SYT2: variants seen among roughly 807,000 people sequenced by gnomAD.
SYT2 encodes synaptotagmin 2.
Under a neutral mutation model 39.9 loss-of-function variants are expected in SYT2, and 15 were observed. The ratio of observed to expected loss-of-function variants is 0.38; its 90% confidence interval spans 0.25 to 0.58. The LOEUF is 0.58. Among genes scored for constraint, SYT2 ranks in the 20% least tolerant of loss-of-function variants. The pLI, the probability that SYT2 is intolerant of heterozygous loss-of-function variation, is 0.70. For synonymous variants in SYT2, 181 were observed against 204.5 expected (o/e 0.89, Z 0.98); for missense variants, 389 against 530.3 (o/e 0.73, Z 2.62).
chr1:202,650,594 C>T (rs190835865), intron 1 of SYT2, among the ~76,000 whole-genome samples: 3 of 152,242 alleles, frequency 2.0e-5, no homozygotes, highest in Non-Finnish European at 2.9e-5. Flanking sequence ...CACCACCACA[C>T]CTGGCTATGA....
chr1:202,681,363 C>A lies in SYT2; in HGVS notation c.-18+28895G>T, dbSNP rs185954219. Reference sequence around the variant, plus strand: ...AATTAAAAGTGAGAGCCAGCAGCTGCGGAGAATCCTCCACCGCCACTGGTG... The same window carrying A: ...AATTAAAAGTGAGAGCCAGCAGCTGAGGAGAATCCTCCACCGCCACTGGTG... On this transcript the variant is annotated intron_variant, in intron 1 of 8. Coordinates refer to ENST00000367268, the MANE Select transcript of SYT2 (RefSeq NM_177402.5). Among the ~76,000 whole-genome samples, 464 of 152,300 alleles carry A rather than the reference C, an allele frequency of 3.0e-3. 1 individual carries two copies. The highest frequency in any genetic ancestry group is 0.011 in the African/African-American group (448 of 41,558).
At chr1:202,687,306 C>A (rs1335029584) in intron 1 of SYT2, among the ~76,000 whole-genome samples, 1 of 152,188 alleles carries the variant, frequency 6.6e-6, no homozygotes, top group Non-Finnish European at 1.5e-5. Context: ...GGTAAGCTGG[C>A]CCCACCTGGC....
intron 1 of SYT2, among the ~76,000 whole-genome samples, chr1:202,613,234 C>T (rs529391265): frequency 2.0e-5 from 3 of 152,164 alleles, no homozygotes; most frequent in African/African-American, 7.2e-5. Context: ...GCATGTGCCA[C>T]CATGCCCGGC....
chr1:202,633,434 C>A (rs1355732252), intron 1 of SYT2, among the ~76,000 whole-genome samples: 1 of 151,990 alleles, frequency 6.6e-6, no homozygotes, highest in Non-Finnish European at 1.5e-5. Flanking sequence ...GGTCTCCAGC[C>A]CACACCAAGG....
rs1246561195 is a variant in SYT2 at position 202,657,028 on chromosome 1, T to TC, written c.-17-51240dup. Among the ~76,000 whole-genome samples the TC allele has an allele frequency of 4.6e-5, 7 of 152,346 alleles. No individual in the cohort carries two copies. The East Asian group carries it at 1.2e-3, about 25-fold the overall frequency. ...TCTTTCCACTCTTGTTCCAGTGTTT[T>TC]CCATTGCCTCTGCCCTGCTGGCCAA... On this transcript the variant is annotated intron_variant, in intron 1 of 8. Transcript: ENST00000367268.
chr1:202,625,878 A>G (rs182935552), intron 1 of SYT2, among the ~76,000 whole-genome samples: 85 of 152,310 alleles, frequency 5.6e-4, no homozygotes, highest in African/African-American at 2.0e-3. Context: ...TCTCAGGCCC[A>G]GCTGAAATGG....
intron 1 of SYT2, among the ~76,000 whole-genome samples, chr1:202,616,799 G>A (rs2149080169): frequency 6.6e-6 from 1 of 152,272 alleles, no homozygotes; most frequent in South Asian, 2.1e-4. Context: ...CAGCCATGGT[G>A]TCTCCCTGCG....
intron 1 of SYT2, among the ~76,000 whole-genome samples, chr1:202,666,998 C>T (rs1692491858): frequency 6.6e-6 from 1 of 152,006 alleles, no homozygotes; most frequent in African/African-American, 2.4e-5. Context: ...ACAAAACGTA[C>T]AAAACAAACA....
chr1:202,648,136 A>G (rs1423829148), intron 1 of SYT2, among the ~76,000 whole-genome samples: 1 of 152,250 alleles, frequency 6.6e-6, no homozygotes, highest in Non-Finnish European at 1.5e-5. Context: ...TAAAAAACTT[A>G]GAACGTCATC....
At chr1:202,648,523 C>G (rs1692133363) in intron 1 of SYT2, among the ~76,000 whole-genome samples, 1 of 152,156 alleles carries the variant, frequency 6.6e-6, no homozygotes, top group South Asian at 2.1e-4. Context: ...AAAATACATA[C>G]TGGTTATTTA....
chr1:202,677,289 G>T (rs1653400386), intron 1 of SYT2, among the ~76,000 whole-genome samples: 1 of 152,124 alleles, frequency 6.6e-6, no homozygotes, highest in Non-Finnish European at 1.5e-5. Flanking sequence ...TGAGAGAGAG[G>T]GTCTGTGTAC....
Position 202,605,730 on chromosome 1 carries a change from G to C in SYT2, c.43C>G (p.Pro15Ala). 3.1e-6 allele frequency: 5 copies of C among 1,614,096 alleles called. No homozygotes were observed. Among genetic ancestry groups the C allele is most frequent in the Non-Finnish European group, 2.5e-6 (3 of 1,179,974 alleles). ...GGCATCGTGGCGGTGGTGGTGGCAG[G>C]AGCCACAATAGGCTCCTGGTTCCTC... ...FKRNQEPIVA[P>A]ATTTATMPIG... Residue 15 changes from proline to alanine, a missense_variant, in exon 2 of 9, where the codon CCT (proline) becomes GCT (alanine). Coordinates refer to ENST00000367268, the MANE Select transcript of SYT2 (RefSeq NM_177402.5).
chr1:202,668,701 T>C (rs1294601981), intron 1 of SYT2, among the ~76,000 whole-genome samples: 1 of 152,208 alleles, frequency 6.6e-6, no homozygotes, highest in Non-Finnish European at 1.5e-5. Flanking sequence ...TTTTCCAGAA[T>C]AAAAGCAGGT....
intron 1 of SYT2, among the ~76,000 whole-genome samples, chr1:202,664,378 T>G (rs1692444745): frequency 6.6e-6 from 1 of 152,192 alleles, no homozygotes; most frequent in South Asian, 2.1e-4. Flanking sequence ...TCCAATCAAC[T>G]TCATTGAATT....
In SYT2 at chr1:202,662,801, TA is replaced by T. The variant is rs777072720; in HGVS notation, c.-18+47456del. On this transcript the variant is annotated intron_variant, in intron 1 of 8. Coordinates refer to ENST00000367268, the MANE Select transcript of SYT2 (RefSeq NM_177402.5). ...CTCTGGGCCTCAGGATCATCACCTGTAAAAGAGGGTTACTAATATCCATCTA... is the reference window on the plus strand; with the variant it reads ...CTCTGGGCCTCAGGATCATCACCTGTAAAGAGGGTTACTAATATCCATCTA... Among the ~76,000 whole-genome samples the T allele has an allele frequency of 1.2e-4, 18 of 152,294 alleles. 1 individual carries two copies. Among genetic ancestry groups the T allele is most frequent in the Admixed American group, 7.8e-4 (12 of 15,306 alleles).
At chr1:202,604,354 G>T in intron 3 of SYT2, 101 bp downstream of exon 3, 1 of 1,225,008 alleles carries the variant, frequency 8.2e-7, no homozygotes, top group Non-Finnish European at 1.2e-6. Flanking sequence ...GAGGGGAGCA[G>T]GTTTGGCTGT....
rs1428308756 is a variant in SYT2, at chr1:202,614,429, G to A, written c.-17-8640C>T. On this transcript the variant is annotated intron_variant, in intron 1 of 8. Transcript: ENST00000367268. This position sits in a 1 kb window ranked among gnomAD's most constrained non-coding sequence, Gnocchi z 4.0. The stretch of plus-strand genomic sequence containing the variant: ...ACCTGCACTAGGATGGGAAGGTAAG[G>A]AATGGAGTAGAGAGAACAGATGTGA... Among the ~76,000 whole-genome samples, 1 of 152,228 alleles carries A rather than the reference G, an allele frequency of 6.6e-6. No homozygotes were observed. The highest frequency in any genetic ancestry group is 1.5e-5 in the Non-Finnish European group (1 of 68,050).
At chr1:202,709,140 A>G (rs1269100045) in intron 1 of SYT2, among the ~76,000 whole-genome samples, 2 of 151,868 alleles carry the variant, frequency 1.3e-5, no homozygotes, top group African/African-American at 4.8e-5. Context: ...AGCTAACTCA[A>G]CCTGTACTAC....
intron 1 of SYT2, among the ~76,000 whole-genome samples, chr1:202,642,991 G>A (rs1433108701): frequency 6.6e-6 from 1 of 152,248 alleles, no homozygotes; most frequent in Non-Finnish European, 1.5e-5. Flanking sequence ...ATAGGTTGGG[G>A]GCTAGGGGTT....
Sources: allele counts gnomAD v4.1 joint callset (sites outside exome capture counted in the v4.1 genomes callset), GRCh38; gene constraint gnomAD v4.1.1; non-coding constraint Gnocchi (gnomAD v3.1); transcripts MANE v1.5; gene names NCBI Gene and HGNC (gene_info 2026-07-23, HGNC 2026-07-21).